DPYSL2: variants seen among roughly 807,000 people sequenced by gnomAD.
The protein encoded by DPYSL2 is dihydropyrimidinase like 2, also known as dihydropyrimidinase-related protein 2.
In DPYSL2, 13 loss-of-function variants were observed where a neutral mutation model predicts 69.9. The ratio of observed to expected loss-of-function variants is 0.19; its 90% confidence interval spans 0.12 to 0.30. The LOEUF (loss-of-function observed/expected upper bound fraction) is 0.30, where lower values mean the gene tolerates loss of function less well. DPYSL2 is among the 10% of genes least tolerant of loss of function. The probability of loss-of-function intolerance (pLI) is 1.00; values close to 1 mark genes in which losing one functional copy is unlikely to be tolerated. For synonymous variants in DPYSL2, 326 were observed against 359.1 expected (o/e 0.91, Z 1.04); for missense variants, 587 against 918.9 (o/e 0.64, Z 4.67).
chr8:26,550,712 G>T (rs1800860839), intron 1 of DPYSL2, among the ~76,000 whole-genome samples: 1 of 152,184 alleles, frequency 6.6e-6, no homozygotes, highest in Non-Finnish European at 1.5e-5. Context: ...TGAAGGCTGA[G>T]AATTCCCATG....
chr8:26,543,583 G>T (rs1180034475), intron 1 of DPYSL2, among the ~76,000 whole-genome samples: 3 of 152,058 alleles, frequency 2.0e-5, no homozygotes, highest in African/African-American at 7.2e-5. Flanking sequence ...TGCCTCCAGG[G>T]TTCAAGCGAT....
intron 3 of DPYSL2, among the ~76,000 whole-genome samples, chr8:26,622,502 ATATAT>A (rs1467793985): frequency 1.8e-4 from 14 of 76,538 alleles, no homozygotes; most frequent in Non-Finnish European, 3.2e-4. Context: ...GTGTGTATAT[ATATAT>A]TTTTTTTTTT....
rs35587383 is a variant in DPYSL2, at chr8:26,584,613, CTTTT to C, written c.628+650_628+653del. On this transcript the variant is annotated intron_variant, in intron 3 of 13. Transcript: ENST00000521913. ...TACGTATTGCTCCAAGGGCTTTGTGCTTTTTTTTTTTTTTTTTTTTTTTGAGACA... is the reference window on the plus strand; with the variant it reads ...TACGTATTGCTCCAAGGGCTTTGTGCTTTTTTTTTTTTTTTTTTTGAGACA... Among the ~76,000 whole-genome samples, 382 of 100,126 alleles carry C rather than the reference CTTTT, an allele frequency of 3.8e-3. 2 individuals carry two copies. Among genetic ancestry groups the C allele is most frequent in the Non-Finnish European group, 5.7e-3 (290 of 50,744 alleles). 65.7% of individuals were successfully genotyped at this position (100,126 alleles called of 152,430 possible).
rs1331082013 is a variant in DPYSL2, at chr8:26,605,084, C to T, written c.629-19059C>T. Among the ~76,000 whole-genome samples the T allele has an allele frequency of 1.3e-5, 2 of 152,126 alleles. No homozygotes were observed. The highest frequency in any genetic ancestry group is 2.9e-5 in the Non-Finnish European group (2 of 68,030). ...ATTGTAAATGTGCGGAAATCAGTCACCCAGTCACCTGAACTTCCATTTAAC... is the reference window on the plus strand; with the variant it reads ...ATTGTAAATGTGCGGAAATCAGTCATCCAGTCACCTGAACTTCCATTTAAC... On this transcript the variant is annotated intron_variant, in intron 3 of 13. Transcript: ENST00000521913. The surrounding 1 kb of genome is among the most constrained non-coding windows in gnomAD (Gnocchi z 4.1).
chr8:26,569,963 A>G (rs2584188), intron 1 of DPYSL2, among the ~76,000 whole-genome samples: 122,472 of 152,084 alleles, frequency 0.81, 49,608 homozygotes, highest in East Asian at 0.98. Context: ...TGAGCACTTT[A>G]GGAGGATCAG....
At chr8:26,577,217 C>G (rs776354188) in intron 1 of DPYSL2, 3 of 421,508 alleles carry the variant, frequency 7.1e-6, no homozygotes, top group Non-Finnish European at 1.4e-5. Context: ...AGCCTCCCCC[C>G]GGCCCGCGCC....
At position 26,524,835 on chromosome 8, in the gene DPYSL2, A is replaced by AAAAAAAAAAAAAAAAAAAAAG. The variant is rs1563374151; in HGVS notation, c.354+10157_354+10158insAAAAAAAAAAAAAAAAAAAGA. Among the ~76,000 whole-genome samples the AAAAAAAAAAAAAAAAAAAAAG allele has an allele frequency of 4.0e-5, 3 of 74,228 alleles. 1 individual carries two copies. Among genetic ancestry groups the AAAAAAAAAAAAAAAAAAAAAG allele is most frequent in the Non-Finnish European group, 8.1e-5 (3 of 37,224 alleles). The allele number at this position is 74,228 out of a possible 152,430, so 48.7% of individuals were successfully genotyped here. ...AAAAAAAAAAAAAAAAAAAAAAAAA[A>AAAAAAAAAAAAAAAAAAAAAG]AGAGAGAGAATTACTGTTTTTCAAT... On this transcript the variant is annotated intron_variant, in intron 1 of 13. Transcript: ENST00000521913.
chr8:26,553,890 T>A (rs1263766066), intron 1 of DPYSL2, among the ~76,000 whole-genome samples: 3 of 137,378 alleles, frequency 2.2e-5, no homozygotes, highest in African/African-American at 7.9e-5. Flanking sequence ...GTACCTGTTA[T>A]TTTTGGGCTT....
rs147507724 is a variant in DPYSL2 at position 26,604,912 on chromosome 8, G to A, written c.629-19231G>A. Among the ~76,000 whole-genome samples, 541 of 151,894 alleles carry A rather than the reference G, an allele frequency of 3.6e-3. 2 individuals carry two copies. The highest frequency in any genetic ancestry group is 0.012 in the African/African-American group (500 of 41,404). On this transcript the variant is annotated intron_variant, in intron 3 of 13. Coordinates refer to ENST00000521913, the MANE Select transcript of DPYSL2 (RefSeq NM_001197293.3). ...TGACCTCAAGTTATTCACCCACCTC[G>A]GCCTCCCAAAGTGCTGGGATTACAG...
At chr8:26,539,077 T>C (rs1045599778) in intron 1 of DPYSL2, among the ~76,000 whole-genome samples, 8 of 152,222 alleles carry the variant, frequency 5.3e-5, no homozygotes, top group Non-Finnish European at 1.2e-4. Context: ...CACTAATAAG[T>C]GAGAACACAC....
At position 26,533,044 on chromosome 8, in the gene DPYSL2, A is replaced by C. The variant is rs10104154; in HGVS notation, c.354+18365A>C. Among the ~76,000 whole-genome samples the C allele has an allele frequency of 0.016, 2,468 of 152,166 alleles. 58 individuals carry two copies. The highest frequency in any genetic ancestry group is 0.056 in the African/African-American group (2,329 of 41,524). On this transcript the variant is annotated intron_variant, in intron 1 of 13. Transcript: ENST00000521913. This position sits in a 1 kb window ranked among gnomAD's most constrained non-coding sequence, Gnocchi z 4.8. Reference sequence around the variant, plus strand: ...CGCCGCATCCTTGTCTACACTTGTTATTGTCTGTCTTTTTGATTCCAGCCA... The same window carrying C: ...CGCCGCATCCTTGTCTACACTTGTTCTTGTCTGTCTTTTTGATTCCAGCCA...
chr8:26,625,476 T>G (rs754095679), intron 4 of DPYSL2, among the ~76,000 whole-genome samples: 8 of 152,126 alleles, frequency 5.3e-5, no homozygotes, highest in Non-Finnish European at 1.0e-4. Flanking sequence ...CTCAGGCAGC[T>G]CCCAGCACCC....
At chr8:26,537,673 A>T (rs1051084684) in intron 1 of DPYSL2, among the ~76,000 whole-genome samples, 1 of 148,036 alleles carries the variant, frequency 6.8e-6, no homozygotes, top group Non-Finnish European at 1.5e-5. Context: ...AGTTGCAGAT[A>T]TGATGCCCCA....
At position 26,640,202 on chromosome 8, in the gene DPYSL2, G is replaced by A. The variant is rs1803009749; in HGVS notation, c.1127-3237G>A. Among the ~76,000 whole-genome samples the A allele has an allele frequency of 6.6e-6, 1 of 152,212 alleles. No homozygotes were observed. The highest frequency in any genetic ancestry group is 2.4e-5 in the African/African-American group (1 of 41,448). ...AGCTATCAAGCATATTTAAACCGCA[G>A]CCTTCCATTTATTCTTCATGAATGC... On this transcript the variant is annotated intron_variant, in intron 8 of 13. Transcript: ENST00000521913. This position sits in a 1 kb window ranked among gnomAD's most constrained non-coding sequence, Gnocchi z 4.2.
chr8:26,595,131 G>A (rs1801830235), intron 3 of DPYSL2, among the ~76,000 whole-genome samples: 1 of 151,494 alleles, frequency 6.6e-6, no homozygotes, highest in Admixed American at 6.6e-5. Context: ...GCTGAGGTAG[G>A]AGGATTGCTT....
At position 26,514,113 on chromosome 8, in the gene DPYSL2, G is replaced by C. The variant is rs865816022; in HGVS notation, c.-213G>C. The stretch of plus-strand genomic sequence containing the variant: ...CGAGCTCGCGCTGTAGCCGCGGGGG[G>C]CGTGGGCAGGGAGGGGAGAAGCGGG... On this transcript the variant is annotated 5_prime_UTR_variant, in exon 1 of 14. Transcript: ENST00000521913. The surrounding 1 kb of genome is among the most constrained non-coding windows in gnomAD (Gnocchi z 8.4). The C allele has an allele frequency of 2.0e-5, 8 of 397,234 alleles. No individual in the cohort carries two copies. The highest frequency in any genetic ancestry group is 3.7e-5 in the East Asian group (1 of 26,686). 24.6% of individuals were successfully genotyped at this position (397,234 alleles called of 1,614,324 possible). A position where few individuals can be genotyped will look rare whatever the true frequency, so the allele number is the denominator to read the frequency against.
At chr8:26,519,796 A>G (rs1022780853) in intron 1 of DPYSL2, among the ~76,000 whole-genome samples, 1 of 152,198 alleles carries the variant, frequency 6.6e-6, no homozygotes, top group South Asian at 2.1e-4. Flanking sequence ...AAAATATGTT[A>G]CATCCCATTA....
At chr8:26,634,232 T>C (rs1802846245) in intron 7 of DPYSL2, among the ~76,000 whole-genome samples, 1 of 152,198 alleles carries the variant, frequency 6.6e-6, no homozygotes, top group East Asian at 1.9e-4. Context: ...ACAGGCTTGC[T>C]GCCTGCACCT....
Position 26,571,896 on chromosome 8 carries a change from G to A in DPYSL2, c.355-10073G>A, listed in dbSNP as rs1455996602. ...TCAGAGCTACACACACAAAGAAAAC[G>A]ATCGTCATTGCCTGATTCCATCTGC... On this transcript the variant is annotated intron_variant, in intron 1 of 13. Transcript: ENST00000521913. This position sits in a 1 kb window ranked among gnomAD's most constrained non-coding sequence, Gnocchi z 6.1. Among the ~76,000 whole-genome samples the A allele has an allele frequency of 1.3e-5, 2 of 152,200 alleles. No individual in the cohort carries two copies. The highest frequency in any genetic ancestry group is 6.5e-5 in the Admixed American group (1 of 15,272).
Sources: allele counts gnomAD v4.1 joint callset (sites outside exome capture counted in the v4.1 genomes callset), GRCh38; gene constraint gnomAD v4.1.1; non-coding constraint Gnocchi (gnomAD v3.1); transcripts MANE v1.5; gene names NCBI Gene and HGNC (gene_info 2026-07-23, HGNC 2026-07-21).